The following KIF22 variants were observed in gnomAD, a reference collection of about 807,000 sequenced individuals.
KIF22 encodes kinesin family member 22, also known as kinesin-like protein KIF22.
A neutral mutation model predicts 73.0 loss-of-function variants in KIF22; 62 were observed. The ratio of observed to expected loss-of-function variants is 0.85; its 90% CI spans 0.69 to 1.05. The LOEUF is 1.05. Among genes scored for constraint, KIF22 ranks in the 50% least tolerant of loss-of-function variants. The probability of loss-of-function intolerance (pLI) is 0.00; values close to 1 mark genes in which losing one functional copy is unlikely to be tolerated. For missense variants in KIF22, 854 were observed against 870.1 expected (o/e 0.98, Z 0.23); for synonymous variants, 411 against 340.1 (o/e 1.21, Z -2.29).
At chr16:29,803,075 T>C in intron 9 of KIF22, 138 bp downstream of exon 9, 2 of 838,492 alleles carry the variant, frequency 2.4e-6, no homozygotes, top group Non-Finnish European at 1.9e-6. Context: ...CAGCTTCTGC[T>C]TGAATGTCCT....
At chr16:29,791,193 C>G in intron 1 of KIF22, 1 of 1,124,016 alleles carries the variant, frequency 8.9e-7, no homozygotes, top group South Asian at 2.8e-5. Context: ...GACGCTCTAG[C>G]CACGAGGACG....
chr16:29,804,737 C>T, intron 11 of KIF22, 77 bp from the exon 12 acceptor site: 1 of 1,180,166 alleles, frequency 8.5e-7, no homozygotes, highest in East Asian at 2.6e-5. Flanking sequence ...GTAGCTGGTG[C>T]TGGGCTCCTA....
Position 29,804,922 on chromosome 16 carries a change from C to T in KIF22, c.1786C>T (p.Leu596=), listed in dbSNP as rs369514794. ...AHGRQKILDL[L]NEGSARDLRS... ...TGGGCGCCAAAAAATACTGGATCTG[C>T]TGAACGAAGGCTCAGCCCGAGATCT... is the stretch of plus-strand genomic sequence containing the variant. The change falls in exon 12 of 14, where the codon CTG becomes TTG. Residue 596 remains leucine (L), a synonymous_variant. Transcript: ENST00000160827. 4.3e-6 allele frequency: 7 copies of T among 1,611,934 alleles called. No individual in the cohort carries two copies. The highest frequency in any genetic ancestry group is 2.7e-5 in the African/African-American group (2 of 74,268).
In KIF22 at chr16:29,798,473, T is replaced by C. The variant is rs2142372161; in HGVS notation, c.366T>C (p.Ser122=). ...LRHLLEGQNA[S]VLAYGPTGAG... is the part of the protein sequence containing the mutation. ...ACTTGCTGGAAGGGCAGAATGCCAG[T>C]GTGCTTGCCTATGGACCCACAGGAG... Residue 122 remains serine, a synonymous_variant, in exon 3 of 14, where the codon AGT becomes AGC. Transcript: ENST00000160827. This position sits in a 1 kb window ranked among gnomAD's most constrained non-coding sequence, Gnocchi z 4.1. 1.9e-6 allele frequency: 3 copies of C among 1,614,174 alleles called. No homozygotes were observed. Among genetic ancestry groups the C allele is most frequent in the Non-Finnish European group, 1.7e-6 (2 of 1,180,046 alleles).
chr16:29,804,556 AACTC>A, intron 11 of KIF22: 4 of 679,818 alleles, frequency 5.9e-6, no homozygotes, highest in Non-Finnish European at 1.1e-5. Context: ...TACATTCATT[AACTC>A]ACTTGATCTC....
Position 29,800,060 on chromosome 16 carries a change from G to A in KIF22, c.1280+12G>A, listed in dbSNP as rs1432648550. 1.9e-6 allele frequency: 3 copies of A among 1,604,738 alleles called. No individual in the cohort carries two copies. Among genetic ancestry groups the A allele is most frequent in the South Asian group, 1.1e-5 (1 of 90,682 alleles). Reference sequence around the variant, plus strand: ...TCCCAGAAACTCAGGTGAGCAGTGGGGCCTTGGGTGTATCCCCTTCCTGAT... The same window carrying A: ...TCCCAGAAACTCAGGTGAGCAGTGGAGCCTTGGGTGTATCCCCTTCCTGAT... On this transcript the variant is annotated intron_variant, in intron 8 of 13. Transcript: ENST00000160827.
In KIF22 at chr16:29,799,425, G is replaced by A. The variant is rs1337533466; in HGVS notation, c.921G>A (p.Val307=). ...CCTCCCTGTTTGTCCTGGGCAAAGT[G>A]GTAGATGCGCTGAATCAGGGCCTCC... ...INTSLFVLGK[V]VDALNQGLPR... Residue 307 remains valine (V), a synonymous_variant, in exon 6 of 14, where the codon GTG becomes GTA. Transcript: ENST00000160827. The A allele has an allele frequency of 1.9e-6, 3 of 1,614,132 alleles. No homozygotes were observed. The highest frequency in any genetic ancestry group is 2.2e-5 in the East Asian group (1 of 44,906).
chr16:29,799,877 C>T, intron 7 of KIF22, 36 bp from the exon 8 acceptor site: 1 of 1,612,976 alleles, frequency 6.2e-7, no homozygotes, highest in Non-Finnish European at 8.5e-7. Flanking sequence ...TGACCACCCC[C>T]AATCCCTCTC....
chr16:29,793,998 G>A (rs1476193677), intron 1 of KIF22, among the ~76,000 whole-genome samples: 2 of 152,208 alleles, frequency 1.3e-5, no homozygotes, highest in African/African-American at 4.8e-5. Flanking sequence ...GAGGGCAGAA[G>A]CAAGTTGCAG....
chr16:29,790,906 A>G, intron 1 of KIF22, 77 bp downstream of exon 1: 1 of 1,540,764 alleles, frequency 6.5e-7, no homozygotes, highest in East Asian at 2.4e-5. Flanking sequence ...AGTGTGGTCC[A>G]GGCTCTGCGG....
At chr16:29,800,211 T>G in intron 8 of KIF22, 163 bp downstream of exon 8, 1 of 772,448 alleles carries the variant, frequency 1.3e-6, no homozygotes. Flanking sequence ...CCCCAGCACT[T>G]TGGGAGACTG....
Position 29,797,904 on chromosome 16 carries a change from A to T in KIF22, c.267-470A>T, listed in dbSNP as rs1898992744. On this transcript the variant is annotated intron_variant, in intron 2 of 13. Coordinates refer to ENST00000160827, the MANE Select transcript of KIF22 (RefSeq NM_007317.3). This position sits in a 1 kb window ranked among gnomAD's most constrained non-coding sequence, Gnocchi z 4.1. ...AGTTCAGTCATAAGCAGCATCCTCT[A>T]TTTTCCCCATTATGGTGTAAAATAC... Among the ~76,000 whole-genome samples the T allele has an allele frequency of 2.0e-5, 3 of 152,052 alleles. No homozygotes were observed.
At position 29,799,372 on chromosome 16, in the gene KIF22, C is replaced by A. The variant is rs765292943; in HGVS notation, c.868C>A (p.Arg290=). Residue 290 remains arginine (R), a synonymous_variant, in exon 6 of 14, where the codon CGG becomes AGG. Transcript: ENST00000160827. ...CCGGCGCACAGGCAACAAGGGCCTT[C>A]GGCTAAAAGAGAGTGGAGCCATCAA... The part of the protein sequence containing the change: ...DNRRTGNKGL[R]LKESGAINTS... 1 of 1,614,236 alleles carries A rather than the reference C, an allele frequency of 6.2e-7. No homozygotes were observed. Among genetic ancestry groups the A allele is most frequent in the Admixed American group, 1.7e-5 (1 of 60,028 alleles).
Position 29,798,316 on chromosome 16 carries a change from ACAC to A in KIF22, c.267-57_267-55del. 9.0e-5 allele frequency: 2 copies of A among 22,180 alleles called. No homozygotes were observed. The highest frequency in any genetic ancestry group is 1.4e-4 in the Non-Finnish European group (2 of 13,916). The allele number at this position is 22,180 out of a possible 1,614,324, so 1.4% of individuals were successfully genotyped here. On this transcript the variant is annotated intron_variant, in intron 2 of 13. Coordinates refer to ENST00000160827, the MANE Select transcript of KIF22 (RefSeq NM_007317.3). The surrounding 1 kb of genome is among the most constrained non-coding windows in gnomAD (Gnocchi z 4.1). ...ACCCCCACCCCACTCCACCCCTTAC[ACAC>A]ACACACACACACACACACACACACA...
In KIF22 at chr16:29,799,622, C is replaced by A; in HGVS notation, c.991-6C>A. The A allele has an allele frequency of 6.2e-7, 1 of 1,614,022 alleles. No individual in the cohort carries two copies. Among genetic ancestry groups the A allele is most frequent in the Non-Finnish European group, 8.5e-7 (1 of 1,179,986 alleles). ...TGACCCACCCACTGCCTGGTCTCAC[C>A]CTCAGGACTCTCTGGGTGGCTCAGC... is the stretch of plus-strand genomic sequence containing the variant. On this transcript the variant is annotated splice_polypyrimidine_tract_variant and splice_region_variant and intron_variant, in intron 6 of 13. Coordinates refer to ENST00000160827, the MANE Select transcript of KIF22 (RefSeq NM_007317.3).
Position 29,798,284 on chromosome 16 carries a change from C to CG in KIF22, c.267-90_267-89insG. ...CAAGGTCCAGATGAGAGTAGAATCC[C>CG]TTACCCACCCCCACCCCACTCCACC... On this transcript the variant is annotated intron_variant, in intron 2 of 13. Transcript: ENST00000160827. This position sits in a 1 kb window ranked among gnomAD's most constrained non-coding sequence, Gnocchi z 4.1. The CG allele has an allele frequency of 6.7e-7, 1 of 1,498,426 alleles. No homozygotes were observed. The highest frequency in any genetic ancestry group is 9.0e-7 in the Non-Finnish European group (1 of 1,114,250). 92.8% of individuals were successfully genotyped at this position (1,498,426 alleles called of 1,614,324 possible). A position where few individuals can be genotyped will look rare whatever the true frequency, so the allele number is the denominator to read the frequency against.
chr16:29,791,108 G>A (rs1037790160), intron 1 of KIF22: 3 of 1,358,582 alleles, frequency 2.2e-6, no homozygotes, highest in Admixed American at 3.5e-5. Flanking sequence ...TGTGAGCTTC[G>A]GTTTCTTCGT....
In KIF22 at chr16:29,803,513, A is replaced by G. The variant is rs968635150; in HGVS notation, c.1514A>G (p.Glu505Gly). The stretch of plus-strand genomic sequence containing the variant: ...TTGGCCCAGAAGGCTGAGGAAAAGG[A>G]GAACCATTGTCCCACAATGCTCCGG... ...KMLAQKAEEKENHCPTMLRPL... is the reference protein window; with the variant it reads ...KMLAQKAEEKGNHCPTMLRPL... Residue 505 changes from glutamate (E) to glycine (G), a missense_variant, in exon 10 of 14, where the codon GAG (glutamate) becomes GGG (glycine). Physicochemically the swap from Glu to Gly is moderately conservative, Grantham distance 98. Transcript: ENST00000160827. 9.3e-6 allele frequency: 15 copies of G among 1,614,108 alleles called. No individual in the cohort carries two copies. Among genetic ancestry groups the G allele is most frequent in the East Asian group, 4.5e-5 (2 of 44,900 alleles).
intron 1 of KIF22, among the ~76,000 whole-genome samples, chr16:29,795,705 G>A (rs1208327421): frequency 1.3e-5 from 2 of 152,158 alleles, no homozygotes; most frequent in Non-Finnish European, 2.9e-5. Flanking sequence ...AAAATAGAGG[G>A]CTTTTCTTTT....
Sources: allele counts gnomAD v4.1 joint callset (sites outside exome capture counted in the v4.1 genomes callset), GRCh38; gene constraint gnomAD v4.1.1; non-coding constraint Gnocchi (gnomAD v3.1); transcripts MANE v1.5; gene names NCBI Gene and HGNC (gene_info 2026-07-23, HGNC 2026-07-21).